The following C8orf89 variants were observed in gnomAD, a reference collection of about 807,000 sequenced individuals.
The protein encoded by C8orf89 is putative uncharacterized protein C8orf89.
C8orf89 carries 14 observed loss-of-function variants against 15.8 expected under a neutral mutation model. The ratio of observed to expected loss-of-function variants is 0.89; its 90% CI spans 0.59 to 1.39. The LOEUF is 1.39. C8orf89 is among the 40% of genes most tolerant of loss of function. The pLI, the probability that C8orf89 is intolerant of heterozygous loss-of-function variation, is 0.00. For synonymous variants in C8orf89, 55 were observed against 62.2 expected (o/e 0.88, Z 0.54); for missense variants, 181 against 184.5 (o/e 0.98, Z 0.11).
chr8:73,265,891 G>C, the C8orf89 span, among the ~76,000 whole-genome samples: 1 of 152,110 alleles, frequency 6.6e-6, no homozygotes, highest in Admixed American at 6.6e-5. Flanking sequence ...ATGCCAACAT[G>C]GACACCCCTC....
intron 3 of C8orf89, among the ~76,000 whole-genome samples, chr8:73,245,379 G>C (rs915622070): frequency 6.6e-6 from 1 of 152,162 alleles, no homozygotes; most frequent in Non-Finnish European, 1.5e-5. Flanking sequence ...AGCAAAAGTT[G>C]TATATAGAGA....
chr8:73,278,571 T>C, the C8orf89 span, among the ~76,000 whole-genome samples: 17 of 152,316 alleles, frequency 1.1e-4, no homozygotes, highest in African/African-American at 4.1e-4. Context: ...CCCATACTTA[T>C]TGATAACTTG....
At chr8:73,273,811 A>G in the C8orf89 span, among the ~76,000 whole-genome samples, 1 of 151,434 alleles carries the variant, frequency 6.6e-6, no homozygotes, top group Non-Finnish European at 1.5e-5. Flanking sequence ...ATTGATACAT[A>G]AGATGGTCTT....
chr8:73,244,894 T>C (rs2039730019), intron 3 of C8orf89, among the ~76,000 whole-genome samples: 1 of 152,206 alleles, frequency 6.6e-6, no homozygotes, highest in Admixed American at 6.5e-5. Flanking sequence ...AATTCTGAAA[T>C]ATTTAGAAAT....
In C8orf89 at chr8:73,257,107, AC is replaced by A. The variant is rs1183569690; in HGVS notation, c.146del (p.Gly49ValfsTer2). ...TGATACATTCCTTGAGCTCTTCTAGACCAAATGCTGTGGTATATTCTGGTTA... is the reference window on the plus strand; with the variant it reads ...TGATACATTCCTTGAGCTCTTCTAGACAAATGCTGTGGTATATTCTGGTTA... ...KIKKEYTTAF[G>X]LEELKECIKM... On this transcript the variant is annotated frameshift_variant, in exon 2 of 4. Coordinates refer to ENST00000624510, the MANE Select transcript of C8orf89 (RefSeq NM_001243237.3). LOFTEE classifies it high-confidence loss of function. 3.3e-6 allele frequency: 5 copies of A among 1,533,654 alleles called. No homozygotes were observed. The East Asian group carries it at 1.2e-4, about 38-fold the overall frequency.
chr8:73,255,434 A>G (rs1352581651), intron 2 of C8orf89, among the ~76,000 whole-genome samples: 1 of 152,100 alleles, frequency 6.6e-6, no homozygotes, highest in Non-Finnish European at 1.5e-5. Context: ...ATCTCACACC[A>G]GTTAGAATGG....
chr8:73,279,042 G>T, the C8orf89 span, among the ~76,000 whole-genome samples: 1 of 151,958 alleles, frequency 6.6e-6, no homozygotes, highest in Non-Finnish European at 1.5e-5. Flanking sequence ...CAGTCCTTCT[G>T]CTCTTCTTCA....
chr8:73,256,042 T>C (rs1474522323), intron 2 of C8orf89, among the ~76,000 whole-genome samples: 1 of 151,600 alleles, frequency 6.6e-6, no homozygotes, highest in African/African-American at 2.4e-5. Flanking sequence ...CGCACCAGCA[T>C]GGCACATGTA....
intron 2 of C8orf89, among the ~76,000 whole-genome samples, chr8:73,253,882 G>A (rs1444551598): frequency 1.0e-3 from 152 of 149,152 alleles, no homozygotes; most frequent in African/African-American, 3.8e-3. Context: ...CTGCAAACAG[G>A]GACAATTTGA....
intron 2 of C8orf89, 34 bp from the exon 3 acceptor site, chr8:73,250,357 A>G (rs1563531066): frequency 1.6e-6 from 2 of 1,282,446 alleles, no homozygotes; most frequent in Non-Finnish European, 2.2e-6. Context: ...AATTACTTAC[A>G]TATAAATTCA....
At chr8:73,276,892 C>T in the C8orf89 span, among the ~76,000 whole-genome samples, 4 of 143,950 alleles carry the variant, frequency 2.8e-5, no homozygotes, top group African/African-American at 1.0e-4. Flanking sequence ...CTGCAACCTC[C>T]ACCTCCCAGG....
At chr8:73,277,375 G>T in the C8orf89 span, 24 of 1,064,658 alleles carry the variant, frequency 2.3e-5, no homozygotes, top group Middle Eastern at 6.3e-4. Flanking sequence ...TTTCTCTGAG[G>T]CCAAAGTCTG....
the C8orf89 span, among the ~76,000 whole-genome samples, chr8:73,284,522 A>G: frequency 2.6e-5 from 4 of 152,050 alleles, no homozygotes; most frequent in African/African-American, 7.2e-5. Context: ...CCGCTCCATC[A>G]TAAGTGAAAA....
At chr8:73,247,244 C>T (rs1813147612) in intron 3 of C8orf89, among the ~76,000 whole-genome samples, 1 of 138,004 alleles carries the variant, frequency 7.2e-6, no homozygotes, top group South Asian at 2.5e-4. Flanking sequence ...GCCTCCAGCT[C>T]CATCCATGTT....
chr8:73,247,724 T>G (rs529566423), intron 3 of C8orf89, among the ~76,000 whole-genome samples: 2 of 152,338 alleles, frequency 1.3e-5, no homozygotes, highest in Non-Finnish European at 2.9e-5. Flanking sequence ...ATATGCTTGT[T>G]TGGCTGCATG....
chr8:73,277,996 G>T, the C8orf89 span: 1 of 602,976 alleles, frequency 1.7e-6, no homozygotes, highest in South Asian at 1.5e-5. Flanking sequence ...CTCTTGCACC[G>T]AGGGACCACA....
chr8:73,268,737 T>A, the C8orf89 span, among the ~76,000 whole-genome samples: 71 of 152,186 alleles, frequency 4.7e-4, no homozygotes, highest in African/African-American at 1.6e-3. Flanking sequence ...TTTGCTTCCA[T>A]ATAATGGGCG....
chr8:73,284,558 G>C, the C8orf89 span, among the ~76,000 whole-genome samples: 1 of 151,874 alleles, frequency 6.6e-6, no homozygotes, highest in Non-Finnish European at 1.5e-5. Context: ...ATAATTCATG[G>C]TATGATTCCA....
intron 3 of C8orf89, among the ~76,000 whole-genome samples, chr8:73,246,457 C>T (rs893448129): frequency 1.3e-5 from 2 of 152,218 alleles, no homozygotes; most frequent in Non-Finnish European, 2.9e-5. Context: ...TGGCTCACTG[C>T]AACCTCCGCC....
Sources: gnomAD v4.1 joint callset for allele counts (sites outside exome capture counted in the v4.1 genomes callset) on GRCh38, gnomAD v4.1.1 for gene constraint, MANE v1.5 for transcripts, NCBI Gene and HGNC (gene_info 2026-07-23, HGNC 2026-07-21) for gene names.